KIAA1549: variants seen among roughly 807,000 people sequenced by gnomAD.
The protein encoded by KIAA1549 is UPF0606 protein KIAA1549.
A neutral mutation model predicts 156.4 loss-of-function variants in KIAA1549; 70 were observed. The ratio of observed to expected loss-of-function variants is 0.45; its 90% CI spans 0.37 to 0.55. The LOEUF (loss-of-function observed/expected upper bound fraction) is 0.55, where lower values mean the gene tolerates loss of function less well. KIAA1549 is among the 20% of genes least tolerant of loss of function. The pLI is 0.00. For missense variants in KIAA1549, 2,428 were observed against 2,540.9 expected (o/e 0.96, Z 0.96); for synonymous variants, 1,103 against 1,066.4 (o/e 1.03, Z -0.67).
chr7:138,932,715 T>C (rs1812906039), intron 1 of KIAA1549, among the ~76,000 whole-genome samples: 1 of 152,138 alleles, frequency 6.6e-6, no homozygotes, highest in Admixed American at 6.5e-5. Context: ...AAGAGTGTGG[T>C]CAGCGGATCT....
rs145725555 is a variant in KIAA1549, at chr7:138,871,280, C to T, written c.4428G>A (p.Pro1476=). The part of the protein sequence containing the change: ...FEHVDRISRP[P]EASRRVPSKI... ...TACTGGGGACCCGCCGGCTAGCCTCCGGGGGGCGGGAGATCCTGTCCACGT... is the reference window on the plus strand; with the variant it reads ...TACTGGGGACCCGCCGGCTAGCCTCTGGGGGGCGGGAGATCCTGTCCACGT... The change falls in exon 13 of 20, where the codon CCG becomes CCA. Residue 1476 remains proline (P), a synonymous_variant. Transcript: ENST00000422774. The T allele has an allele frequency of 2.4e-4, 380 of 1,610,294 alleles. 1 individual carries two copies. In the Admixed American group the frequency reaches 5.5e-3, roughly 23 times the overall value.
chr7:138,913,499 C>T (rs1233598614), intron 2 of KIAA1549, among the ~76,000 whole-genome samples: 1 of 152,136 alleles, frequency 6.6e-6, no homozygotes, highest in Non-Finnish European at 1.5e-5. Flanking sequence ...TCTCCTCTTC[C>T]ATCAACTTCC....
At chr7:138,962,970 T>C (rs1167829780) in intron 1 of KIAA1549, among the ~76,000 whole-genome samples, 1 of 152,238 alleles carries the variant, frequency 6.6e-6, no homozygotes, top group African/African-American at 2.4e-5. Flanking sequence ...ACAATAGCAC[T>C]TCACATGCCA....
In KIAA1549 at chr7:138,861,228, C is replaced by T. The variant is rs748987822; in HGVS notation, c.5158G>A (p.Ala1720Thr). ...TCTTCCTGGGAAGGGGTGCTGTTTG[C>T]GGGCAGGCCGGGTGGGACTCCGGGG... Reference protein sequence around the residue: ...VGPGVPPGLPANSTPSQEERR... With the variant: ...VGPGVPPGLPTNSTPSQEERR... The change falls in exon 16 of 20, where the codon GCA (alanine) becomes ACA (threonine). Residue 1720 changes from alanine to threonine, a missense_variant. By Grantham distance (58) the Ala-to-Thr change is moderately conservative. This residue lies in a region of KIAA1549 where 363 missense variants were observed against 354.0 expected (regional missense o/e 1.03). Transcript: ENST00000422774. 8.1e-6 allele frequency: 13 copies of T among 1,612,754 alleles called. No individual in the cohort carries two copies. The East Asian group carries it at 1.3e-4, about 17-fold the overall frequency.
Position 138,832,886 on chromosome 7 carries a change from T to A in KIAA1549, c.*5020A>T, listed in dbSNP as rs1035453121. The A allele has an allele frequency of 8.7e-6, 2 of 229,324 alleles. No individual in the cohort carries two copies. The highest frequency in any genetic ancestry group is 4.4e-5 in the African/African-American group (2 of 45,086). The allele number at this position is 229,324 out of a possible 1,614,324, so 14.2% of individuals were successfully genotyped here. A position where few individuals can be genotyped will look rare whatever the true frequency, so the allele number is the denominator to read the frequency against. On this transcript the variant is annotated 3_prime_UTR_variant, in exon 20 of 20. Coordinates refer to ENST00000422774, the MANE Select transcript of KIAA1549 (RefSeq NM_001164665.2). ...AAGAAACCCGAAATGCACATCCTCC[T>A]TGTTCATTAGGTAACAAGTGTTAAG...
At chr7:138,966,844 G>C (rs1814038929) in intron 1 of KIAA1549, among the ~76,000 whole-genome samples, 1 of 152,072 alleles carries the variant, frequency 6.6e-6, no homozygotes, top group South Asian at 2.1e-4. Flanking sequence ...TCCTTCTCTA[G>C]CACCTTTGGA....
intron 1 of KIAA1549, among the ~76,000 whole-genome samples, chr7:138,976,460 C>T (rs941422866): frequency 6.6e-6 from 1 of 152,154 alleles, no homozygotes. Context: ...TTTCGGATAC[C>T]GGAGGACAAC....
At position 138,837,902 on chromosome 7, in the gene KIAA1549, C is replaced by G. The variant is rs769745232; in HGVS notation, c.*4G>C. 23 of 1,612,704 alleles carry G rather than the reference C, an allele frequency of 1.4e-5. No homozygotes were observed. Among genetic ancestry groups the G allele is most frequent in the Middle Eastern group, 1.7e-4 (1 of 5,720 alleles). ...TACTTGGCAAATCTGCGAGGCGAGG[C>G]CGATCAGCTGTGGAAGTTCTGCACG... On this transcript the variant is annotated 3_prime_UTR_variant, in exon 20 of 20. Coordinates refer to ENST00000422774, the MANE Select transcript of KIAA1549 (RefSeq NM_001164665.2).
At chr7:138,924,248 G>A (rs774054968) in intron 1 of KIAA1549, among the ~76,000 whole-genome samples, 4 of 143,502 alleles carry the variant, frequency 2.8e-5, no homozygotes, top group African/African-American at 1.1e-4. Context: ...AGTTATAAAC[G>A]TAAGAAGTAA....
Position 138,969,947 on chromosome 7 carries a change from T to C in KIAA1549, c.187+11136A>G, listed in dbSNP as rs79558931. ...CAAGGTAAATGGTGCGTCCATCCCC[T>C]CAACCATTTATCCTTTGTGTTACAA... On this transcript the variant is annotated intron_variant, in intron 1 of 19. Transcript: ENST00000422774. Among the ~76,000 whole-genome samples the C allele has an allele frequency of 7.2e-3, 1,104 of 152,300 alleles. 10 individuals carry two copies. Among genetic ancestry groups the C allele is most frequent in the African/African-American group, 0.026 (1,064 of 41,564 alleles).
At chr7:138,938,115 G>A (rs1028741740) in intron 1 of KIAA1549, among the ~76,000 whole-genome samples, 1 of 152,134 alleles carries the variant, frequency 6.6e-6, no homozygotes, top group Non-Finnish European at 1.5e-5. Flanking sequence ...AACAGGATTA[G>A]TGTCCCTCTA....
chr7:138,905,709 T>TA (rs1479921880), intron 6 of KIAA1549, among the ~76,000 whole-genome samples: 2 of 147,616 alleles, frequency 1.4e-5, no homozygotes, highest in Admixed American at 6.7e-5. Flanking sequence ...AATCTACTAT[T>TA]TTTTTTTTTT....
chr7:138,849,099 G>A (rs1810164208), intron 17 of KIAA1549, among the ~76,000 whole-genome samples: 1 of 151,980 alleles, frequency 6.6e-6, no homozygotes, highest in African/African-American at 2.4e-5. Context: ...CTGGATTAAT[G>A]GGTCCTTTTC....
intron 1 of KIAA1549, among the ~76,000 whole-genome samples, chr7:138,967,459 A>T (rs542932786): frequency 6.6e-6 from 1 of 152,260 alleles, no homozygotes; most frequent in Non-Finnish European, 1.5e-5. Flanking sequence ...AGCAAGTACA[A>T]ATGATTGCAA....
rs780077399 is a variant in KIAA1549 at position 138,871,283 on chromosome 7, G to C, written c.4425C>G (p.Pro1475=). 1 of 1,610,618 alleles carries C rather than the reference G, an allele frequency of 6.2e-7. No homozygotes were observed. Residue 1475 remains proline (P), a synonymous_variant, in exon 13 of 20, where the codon CCC becomes CCG. Coordinates refer to ENST00000422774, the MANE Select transcript of KIAA1549 (RefSeq NM_001164665.2). Reference sequence around the variant, plus strand: ...TGGGGACCCGCCGGCTAGCCTCCGGGGGGCGGGAGATCCTGTCCACGTGCT... The same window carrying C: ...TGGGGACCCGCCGGCTAGCCTCCGGCGGGCGGGAGATCCTGTCCACGTGCT... ...IFEHVDRISR[P]PEASRRVPSK...
At chr7:138,938,114 A>C (rs1050178948) in intron 1 of KIAA1549, among the ~76,000 whole-genome samples, 3 of 152,178 alleles carry the variant, frequency 2.0e-5, no homozygotes, top group Admixed American at 1.3e-4. Context: ...GAACAGGATT[A>C]GTGTCCCTCT....
At chr7:138,934,969 C>T (rs1018202400) in intron 1 of KIAA1549, among the ~76,000 whole-genome samples, 6 of 152,216 alleles carry the variant, frequency 3.9e-5, no homozygotes, top group African/African-American at 9.6e-5. Context: ...GTCTCCAGAA[C>T]ATTCCACAGA....
intron 12 of KIAA1549, 27 bp downstream of exon 12, chr7:138,879,511 A>G (rs1230578560): frequency 4.2e-6 from 6 of 1,426,724 alleles, no homozygotes; most frequent in Non-Finnish European, 5.8e-6. Flanking sequence ...ACTACTTTTA[A>G]TGGGAAGAAC....
intron 16 of KIAA1549, among the ~76,000 whole-genome samples, chr7:138,857,743 T>C (rs1810435339): frequency 6.6e-6 from 1 of 152,262 alleles, no homozygotes; most frequent in African/African-American, 2.4e-5. Context: ...ATCCTCTTAA[T>C]CTTTAATAAT....
Sources: allele counts gnomAD v4.1 joint callset (sites outside exome capture counted in the v4.1 genomes callset), GRCh38; gene constraint gnomAD v4.1.1; regional missense constraint gnomAD v4.1.1; transcripts MANE v1.5; gene names NCBI Gene and HGNC (gene_info 2026-07-23, HGNC 2026-07-21).